GUCY1A2: variants seen among roughly 807,000 people sequenced by gnomAD.
GUCY1A2 encodes the protein guanylate cyclase 1 soluble subunit alpha 2, also known as guanylate cyclase soluble subunit alpha-2.
In GUCY1A2, 27 loss-of-function variants were observed where a neutral mutation model predicts 63.5. The ratio of observed to expected loss-of-function variants is 0.43; its 90% CI spans 0.31 to 0.59. GUCY1A2 has a LOEUF of 0.59. Ranked by LOEUF, GUCY1A2 falls within the 20% of genes least tolerant of loss-of-function variation. The pLI, the probability that GUCY1A2 is intolerant of heterozygous loss-of-function variation, is 0.11. For synonymous variants in GUCY1A2, 364 were observed against 343.5 expected (o/e 1.06, Z -0.66); for missense variants, 768 against 913.3 (o/e 0.84, Z 2.05).
At chr11:106,767,788 A>G (rs1374417563) in intron 6 of GUCY1A2, among the ~76,000 whole-genome samples, 1 of 152,186 alleles carries the variant, frequency 6.6e-6, no homozygotes, top group African/African-American at 2.4e-5. Flanking sequence ...TAATGTGCTC[A>G]GTAAGTAGAT....
chr11:106,842,175 C>T (rs529377753), intron 4 of GUCY1A2, among the ~76,000 whole-genome samples: 2 of 152,020 alleles, frequency 1.3e-5, no homozygotes, highest in Admixed American at 6.6e-5. Flanking sequence ...CCACAGTGGG[C>T]CCTTCCCACT....
chr11:106,967,467 G>C (rs12576139), intron 3 of GUCY1A2, among the ~76,000 whole-genome samples: 10,451 of 151,950 alleles, frequency 0.069, 850 homozygotes, highest in East Asian at 0.27. Flanking sequence ...ACATTAGTTT[G>C]AACAAAACCC....
At chr11:106,773,844 C>T (rs1864302509) in intron 6 of GUCY1A2, among the ~76,000 whole-genome samples, 1 of 152,058 alleles carries the variant, frequency 6.6e-6, no homozygotes, top group Non-Finnish European at 1.5e-5. Flanking sequence ...TTTAGTTCTT[C>T]TTAACAGGAA....
intron 5 of GUCY1A2, among the ~76,000 whole-genome samples, chr11:106,777,301 A>T (rs1194879846): frequency 6.6e-6 from 1 of 151,868 alleles, no homozygotes; most frequent in Non-Finnish European, 1.5e-5. Context: ...ACAAAAATTA[A>T]CTGGGCACGG....
intron 4 of GUCY1A2, among the ~76,000 whole-genome samples, chr11:106,860,736 C>T (rs1859500065): frequency 6.6e-6 from 1 of 152,002 alleles, no homozygotes; most frequent in African/African-American, 2.4e-5. Context: ...TCAGATAATG[C>T]AACTCCATAT....
At chr11:106,703,658 G>A (rs184661486) in intron 7 of GUCY1A2, among the ~76,000 whole-genome samples, 90 of 152,220 alleles carry the variant, frequency 5.9e-4, no homozygotes, top group Middle Eastern at 6.8e-3. Flanking sequence ...TTTTAGCTAG[G>A]TGAGACCTGT....
At chr11:106,785,395 T>A (rs1864538694) in intron 5 of GUCY1A2, among the ~76,000 whole-genome samples, 4 of 152,096 alleles carry the variant, frequency 2.6e-5, no homozygotes, top group Admixed American at 2.6e-4. Context: ...GTAATTTTCT[T>A]TCTTTTTGTT....
chr11:106,743,006 T>C (rs1258160898), intron 6 of GUCY1A2, among the ~76,000 whole-genome samples: 1 of 152,238 alleles, frequency 6.6e-6, no homozygotes, highest in African/African-American at 2.4e-5. Flanking sequence ...ATTAATGTCA[T>C]AGTACCACAC....
At chr11:106,705,685 C>G (rs550917808) in intron 7 of GUCY1A2, among the ~76,000 whole-genome samples, 1 of 151,890 alleles carries the variant, frequency 6.6e-6, no homozygotes, top group Non-Finnish European at 1.5e-5. Context: ...AAGATGAAAC[C>G]CCGTCTCTAC....
chr11:107,006,818 G>A (rs1861677401), intron 1 of GUCY1A2, among the ~76,000 whole-genome samples: 1 of 152,194 alleles, frequency 6.6e-6, no homozygotes, highest in African/African-American at 2.4e-5. Context: ...GAACCTTTGG[G>A]ATTATGAAGG....
chr11:106,936,717 ATTTTT>A, intron 4 of GUCY1A2: 1 of 1,273,402 alleles, frequency 7.9e-7, no homozygotes, highest in Non-Finnish European at 1.1e-6. Context: ...CTTGCTCTTG[ATTTTT>A]TTTTTTTATG....
At chr11:106,959,358 G>A (rs1393766914) in intron 3 of GUCY1A2, among the ~76,000 whole-genome samples, 3 of 152,104 alleles carry the variant, frequency 2.0e-5, no homozygotes, top group Admixed American at 6.5e-5. Context: ...CTTTTCTTTT[G>A]TAACAGAGCC....
intron 1 of GUCY1A2, among the ~76,000 whole-genome samples, chr11:107,001,197 G>C (rs935422371): frequency 6.6e-6 from 1 of 152,112 alleles, no homozygotes; most frequent in East Asian, 1.9e-4. Context: ...CAAGAAAATA[G>C]GTAGCAGAGC....
At chr11:107,004,235 A>G (rs1861644159) in intron 1 of GUCY1A2, among the ~76,000 whole-genome samples, 1 of 152,238 alleles carries the variant, frequency 6.6e-6, no homozygotes, top group East Asian at 1.9e-4. Flanking sequence ...ACTGAAAGGC[A>G]TATGAGGTTT....
chr11:106,765,022 T>C (rs1864138336), intron 6 of GUCY1A2, among the ~76,000 whole-genome samples: 1 of 151,022 alleles, frequency 6.6e-6, no homozygotes. Context: ...ATGGCACAAG[T>C]CTGACATCTG....
At chr11:106,809,438 A>G (rs1858734958) in intron 5 of GUCY1A2, among the ~76,000 whole-genome samples, 1 of 152,130 alleles carries the variant, frequency 6.6e-6, no homozygotes, top group Non-Finnish European at 1.5e-5. Flanking sequence ...AAATTTTTCC[A>G]TTATGTAGCT....
intron 4 of GUCY1A2, among the ~76,000 whole-genome samples, chr11:106,825,486 T>A (rs1419813109): frequency 6.6e-6 from 1 of 151,778 alleles, no homozygotes; most frequent in African/African-American, 2.4e-5. Flanking sequence ...TCTCATGTTT[T>A]AAGAAAGTTT....
At chr11:106,946,751 C>A (rs375245501) in intron 3 of GUCY1A2, among the ~76,000 whole-genome samples, 48 of 152,186 alleles carry the variant, frequency 3.2e-4, no homozygotes, top group African/African-American at 1.2e-3. Flanking sequence ...TATGGGGTTT[C>A]TTTTTGGAGT....
At chr11:106,933,382 A>C (rs1489614650) in intron 4 of GUCY1A2, among the ~76,000 whole-genome samples, 1 of 152,202 alleles carries the variant, frequency 6.6e-6, no homozygotes, top group East Asian at 1.9e-4. Context: ...AATGCAAATC[A>C]AACCCACAAT....
Sources: gnomAD v4.1 joint callset for allele counts (sites outside exome capture counted in the v4.1 genomes callset) on GRCh38, gnomAD v4.1.1 for gene constraint, MANE v1.5 for transcripts, NCBI Gene and HGNC (gene_info 2026-07-23, HGNC 2026-07-21) for gene names.